Variants in CMTR2 observed in about 807,000 individuals in gnomAD.
CMTR2 encodes the protein cap-specific mRNA (nucleoside-2'-O-)-methyltransferase 2.
CMTR2 carries 40 observed loss-of-function variants against 49.8 expected under a neutral mutation model. That is an observed-to-expected ratio of 0.80 (90% CI 0.62 to 1.04). The LOEUF (loss-of-function observed/expected upper bound fraction) is 1.04. Among genes scored for constraint, CMTR2 ranks in the 50% least tolerant of loss-of-function variants. The pLI is 0.00. For synonymous variants in CMTR2, 326 were observed against 315.8 expected (o/e 1.03, Z -0.34); for missense variants, 907 against 897.2 (o/e 1.01, Z -0.14).
chr16:71,283,487 T>C lies in CMTR2; in HGVS notation c.*121A>G. On this transcript the variant is annotated 3_prime_UTR_variant, in exon 3 of 3. Coordinates refer to ENST00000434935, the MANE Select transcript of CMTR2 (RefSeq NM_018348.6). ...TGGTTTTCCAGAATTAATGAGACTT[T>C]GAATGATGCAAATGTTGGCCTTTCC... The C allele has an allele frequency of 8.4e-7, 1 of 1,185,758 alleles. No individual in the cohort carries two copies. The highest frequency in any genetic ancestry group is 1.5e-5 in the African/African-American group (1 of 64,582). The allele number at this position is 1,185,758 out of a possible 1,614,324, so 73.5% of individuals were successfully genotyped here.
Position 71,284,735 on chromosome 16 carries a change from A to G in CMTR2, c.1186T>C (p.Leu396=). ...GKAEQEKLNN[L]RDCAIQYFMQ... Reference sequence around the variant, plus strand: ...AAATATTGTATAGCACAATCCCTTAAATTATTCAGCTTTTCTTGTTCCGCC... The same window carrying G: ...AAATATTGTATAGCACAATCCCTTAGATTATTCAGCTTTTCTTGTTCCGCC... Residue 396 remains leucine, a synonymous_variant, in exon 3 of 3, where the codon TTA becomes CTA. Coordinates refer to ENST00000434935, the MANE Select transcript of CMTR2 (RefSeq NM_018348.6). 2.5e-6 allele frequency: 4 copies of G among 1,613,600 alleles called. No homozygotes were observed. Among genetic ancestry groups the G allele is most frequent in the Non-Finnish European group, 3.4e-6 (4 of 1,179,758 alleles).
intron 1 of CMTR2, 86 bp downstream of exon 1, chr16:71,289,050 G>C (rs2041784282): frequency 6.6e-6 from 1 of 152,362 alleles, no homozygotes; most frequent in African/African-American, 2.4e-5. Context: ...CCCGGTCCCT[G>C]ACCTGGAGGA....
rs2041685767 is a variant in CMTR2 at position 71,284,772 on chromosome 16, C to T, written c.1149G>A (p.Glu383=). ...ETISENIRLF[E]CMGKAEQEKL... ...TTTCTTGTTCCGCCTTTCCCATGCA[C>T]TCAAATAGACGAATGTTTTCAGAAA... Residue 383 remains glutamate (E), a synonymous_variant, in exon 3 of 3, where the codon GAG becomes GAA. Transcript: ENST00000434935. The T allele has an allele frequency of 6.2e-7, 1 of 1,613,768 alleles. No individual in the cohort carries two copies.
In CMTR2 at chr16:71,284,304, T is replaced by G. The variant is rs1331822497; in HGVS notation, c.1617A>C (p.Pro539=). 6.2e-7 allele frequency: 1 copy of G among 1,613,968 alleles called. No individual in the cohort carries two copies. The highest frequency in any genetic ancestry group is 1.1e-5 in the South Asian group (1 of 91,018). ...GACAAGAACAAGAATACTGCTGTTT[T>G]GGCCTAAACTTGGAATCCAAATTAA... ...GAFNLDSKFR[P]KQQYSCSCHV... Residue 539 remains proline, a synonymous_variant, in exon 3 of 3, where the codon CCA becomes CCC. Transcript: ENST00000434935.
chr16:71,283,742 T>C lies in CMTR2; in HGVS notation c.2179A>G (p.Met727Val), dbSNP rs148685244. 6 of 1,613,992 alleles carry C rather than the reference T, an allele frequency of 3.7e-6. No individual in the cohort carries two copies. The highest frequency in any genetic ancestry group is 1.7e-5 in the Admixed American group (1 of 59,984). The change falls in exon 3 of 3, where the codon ATG becomes GTG. Residue 727 changes from methionine (M) to valine (V), a missense_variant. Coordinates refer to ENST00000434935, the MANE Select transcript of CMTR2 (RefSeq NM_018348.6). ...SPQQVLQFVPMEVLLKGALLD... is the reference protein window; with the variant it reads ...SPQQVLQFVPVEVLLKGALLD... The stretch of plus-strand genomic sequence containing the variant: ...AGGGCCCCCTTAAGGAGTACCTCCA[T>C]TGGCACAAACTGTAAAACCTGCTGG...
Position 71,281,445 on chromosome 16 carries a change from GAA to G in CMTR2, c.*2161_*2162del, listed in dbSNP as rs1271697581. 5 of 151,850 alleles carry G rather than the reference GAA, an allele frequency of 3.3e-5. No individual in the cohort carries two copies. The highest frequency in any genetic ancestry group is 5.9e-5 in the Non-Finnish European group (4 of 67,798). 9.4% of individuals were successfully genotyped at this position (151,850 alleles called of 1,614,324 possible). The stretch of plus-strand genomic sequence containing the variant: ...CAAATTAAAAATCTCAAAACCTGTG[GAA>G]AAAAGTTTTTAAGAACAGTCTACCT... On this transcript the variant is annotated 3_prime_UTR_variant, in exon 3 of 3. Coordinates refer to ENST00000434935, the MANE Select transcript of CMTR2 (RefSeq NM_018348.6).
chr16:71,283,850 A>T lies in CMTR2; in HGVS notation c.2071T>A (p.Tyr691Asn), dbSNP rs1358015863. The change falls in exon 3 of 3, where the codon TAT (tyrosine) becomes AAT (asparagine). Residue 691 changes from tyrosine to asparagine, a missense_variant. Coordinates refer to ENST00000434935, the MANE Select transcript of CMTR2 (RefSeq NM_018348.6). Reference protein sequence around the residue: ...RTCAVLLCVGYQDLPNPVFRY... With the variant: ...RTCAVLLCVGNQDLPNPVFRY... Reference sequence around the variant, plus strand: ...AAAACTGGATTTGGAAGGTCCTGATAACCAACACATAGCAGGACTGCGCAG... The same window carrying T: ...AAAACTGGATTTGGAAGGTCCTGATTACCAACACATAGCAGGACTGCGCAG... The T allele has an allele frequency of 6.2e-7, 1 of 1,613,996 alleles. No homozygotes were observed. Among genetic ancestry groups the T allele is most frequent in the South Asian group, 1.1e-5 (1 of 91,060 alleles).
chr16:71,282,041 T>C lies in CMTR2; in HGVS notation c.*1567A>G. 1 of 151,770 alleles carries C rather than the reference T, an allele frequency of 6.6e-6. No individual in the cohort carries two copies. Among genetic ancestry groups the C allele is most frequent in the Non-Finnish European group, 1.5e-5 (1 of 67,836 alleles). The allele number at this position is 151,770 out of a possible 1,614,324, so 9.4% of individuals were successfully genotyped here. A position where few individuals can be genotyped will look rare whatever the true frequency, so the allele number is the denominator to read the frequency against. ...GGAATTGCTTCCATAGAGTCACCAGTAGGAAATCAGATTTCTTTCAAAAAT... is the reference window on the plus strand; with the variant it reads ...GGAATTGCTTCCATAGAGTCACCAGCAGGAAATCAGATTTCTTTCAAAAAT... On this transcript the variant is annotated 3_prime_UTR_variant, in exon 3 of 3. Coordinates refer to ENST00000434935, the MANE Select transcript of CMTR2 (RefSeq NM_018348.6).
At chr16:71,289,642 G>T (rs2041804043), upstream of CMTR2, 1 of 150,206 alleles carries the variant, frequency 6.7e-6, no homozygotes, top group Admixed American at 6.6e-5. Context: ...GGACAGGGAG[G>T]CGAAGGGGAG....
In CMTR2 at chr16:71,285,290, T is replaced by C; in HGVS notation, c.631A>G (p.Met211Val). ...AGTCCAGTCAAGAATTTCAGGGTCA[T>C]GATATCACCAGTGTTATCTGGACCA... ...YFGPDNTGDI[M>V]TLKFLTGLQN... Residue 211 changes from methionine to valine, a missense_variant, in exon 3 of 3, where the codon ATG (methionine) becomes GTG (valine). Met to Val is a conservative substitution (Grantham distance 21). Coordinates refer to ENST00000434935, the MANE Select transcript of CMTR2 (RefSeq NM_018348.6). 2 of 1,614,210 alleles carry C rather than the reference T, an allele frequency of 1.2e-6. No individual in the cohort carries two copies. The highest frequency in any genetic ancestry group is 1.7e-6 in the Non-Finnish European group (2 of 1,180,004).
Position 71,283,466 on chromosome 16 carries a change from T to C in CMTR2, c.*142A>G, listed in dbSNP as rs1351744380. ...TACCCTAGAGATCAGAATGGATGGT[T>C]TTCCAGAATTAATGAGACTTTGAAT... On this transcript the variant is annotated 3_prime_UTR_variant, in exon 3 of 3. Transcript: ENST00000434935. The C allele has an allele frequency of 3.0e-6, 3 of 1,016,634 alleles. No individual in the cohort carries two copies. In the African/African-American group the frequency reaches 4.9e-5, roughly 17 times the overall value. The allele number at this position is 1,016,634 out of a possible 1,614,324, so 63.0% of individuals were successfully genotyped here. A position where few individuals can be genotyped will look rare whatever the true frequency, so the allele number is the denominator to read the frequency against.
chr16:71,289,350 A>T lies in CMTR2; in HGVS notation c.-294T>A, dbSNP rs982317300. On this transcript the variant is annotated 5_prime_UTR_variant, in exon 1 of 3. Coordinates refer to ENST00000434935, the MANE Select transcript of CMTR2 (RefSeq NM_018348.6). Reference sequence around the variant, plus strand: ...CTCGCGGCACCGGGAAGCCAGTCCCACCTCCGGGCCCCGCAGCCGCGAATG... The same window carrying T: ...CTCGCGGCACCGGGAAGCCAGTCCCTCCTCCGGGCCCCGCAGCCGCGAATG... 3.3e-5 allele frequency: 5 copies of T among 152,188 alleles called. No homozygotes were observed. The highest frequency in any genetic ancestry group is 6.5e-5 in the Admixed American group (1 of 15,300). 9.4% of individuals were successfully genotyped at this position (152,188 alleles called of 1,614,324 possible). A position where few individuals can be genotyped will look rare whatever the true frequency, so the allele number is the denominator to read the frequency against.
rs2041642352 is a variant in CMTR2, at chr16:71,283,300, TTAAG to T, written c.*304_*307del. The T allele has an allele frequency of 1.4e-5, 4 of 279,338 alleles. No homozygotes were observed. The East Asian group carries it at 2.7e-4, about 19-fold the overall frequency. 17.3% of individuals were successfully genotyped at this position (279,338 alleles called of 1,614,324 possible). On this transcript the variant is annotated 3_prime_UTR_variant, in exon 3 of 3. Transcript: ENST00000434935. ...TACACAGATGCAAATCTTAAGCAGA[TTAAG>T]TAAGACCAACTAAATGGCATAGGTA...
Position 71,284,186 on chromosome 16 carries a change from T to TAA in CMTR2, c.1734_1735insTT (p.Lys579LeufsTer25), listed in dbSNP as rs777823715. 62 of 1,613,848 alleles carry TAA rather than the reference T, an allele frequency of 3.8e-5. No homozygotes were observed. The highest frequency in any genetic ancestry group is 4.6e-5 in the Non-Finnish European group (54 of 1,179,936). Reference sequence around the variant, plus strand: ...GTCGAAAAGCCCACCAGCAGGCACTTTATTTGATTGCTGGGTACTACAACC... The same window carrying TAA: ...GTCGAAAAGCCCACCAGCAGGCACTTAATATTTGATTGCTGGGTACTACAACC... On this transcript the variant is annotated frameshift_variant, in exon 3 of 3. Coordinates refer to ENST00000434935, the MANE Select transcript of CMTR2 (RefSeq NM_018348.6). LOFTEE classifies it high-confidence loss of function.
rs1195517104 is a variant in CMTR2 at position 71,282,747 on chromosome 16, T to G, written c.*861A>C. 6.6e-6 allele frequency: 1 copy of G among 152,372 alleles called. No homozygotes were observed. The highest frequency in any genetic ancestry group is 1.5e-5 in the Non-Finnish European group (1 of 68,006). The allele number at this position is 152,372 out of a possible 1,614,324, so 9.4% of individuals were successfully genotyped here. ...GTATTCACTATGTTCATCACATTCA[T>G]GTGTTCCCAACATGAGACTAAACAC... On this transcript the variant is annotated 3_prime_UTR_variant, in exon 3 of 3. Coordinates refer to ENST00000434935, the MANE Select transcript of CMTR2 (RefSeq NM_018348.6).
At chr16:71,288,049 T>C (rs1159833203) in intron 2 of CMTR2, 1 of 152,238 alleles carries the variant, frequency 6.6e-6, no homozygotes, top group East Asian at 1.9e-4. Flanking sequence ...ACTTAAGTGA[T>C]TCAGACACTC....
rs1349712050 is a variant in CMTR2, at chr16:71,282,450, TATAA to T, written c.*1154_*1157del. The T allele has an allele frequency of 1.3e-5, 2 of 152,098 alleles. No homozygotes were observed. Among genetic ancestry groups the T allele is most frequent in the African/African-American group, 4.8e-5 (2 of 41,446 alleles). The allele number at this position is 152,098 out of a possible 1,614,324, so 9.4% of individuals were successfully genotyped here. ...AAAGTGCCTAAAATGCATGTGAGAA[TATAA>T]ATATTCTCCACTTTGTGGAACTTCA... On this transcript the variant is annotated 3_prime_UTR_variant, in exon 3 of 3. Coordinates refer to ENST00000434935, the MANE Select transcript of CMTR2 (RefSeq NM_018348.6).
chr16:71,284,350 T>C lies in CMTR2; in HGVS notation c.1571A>G (p.Glu524Gly), dbSNP rs752854395. 8 of 1,613,420 alleles carry C rather than the reference T, an allele frequency of 5.0e-6. No individual in the cohort carries two copies. Among genetic ancestry groups the C allele is most frequent in the Non-Finnish European group, 6.8e-6 (8 of 1,179,860 alleles). The change falls in exon 3 of 3, where the codon GAA (glutamate) becomes GGA (glycine). Residue 524 changes from glutamate to glycine, a missense_variant. By Grantham distance (98) the Glu-to-Gly change is moderately conservative. Transcript: ENST00000434935. ...EILKTLNEAI[E>G]KSLGGAFNLD... is the part of the protein sequence containing the mutation. ...ATTAAAAGCTCCTCCTAATGACTTT[T>C]CAATTGCTTCATTAAGAGTTTTTAA...
rs149227505 is a variant in CMTR2, at chr16:71,285,408, C to A, written c.513G>T (p.Ala171=). The A allele has an allele frequency of 6.2e-7, 1 of 1,614,106 alleles. No individual in the cohort carries two copies. The highest frequency in any genetic ancestry group is 1.1e-5 in the South Asian group (1 of 91,070). Residue 171 remains alanine (A), a synonymous_variant, in exon 3 of 3, where the codon GCG becomes GCT. Transcript: ENST00000434935. ...CTTCATGGTATGGATTCAGAGTATTCGCTACCCAACTCCAATGACAAGGAA... is the reference window on the plus strand; with the variant it reads ...CTTCATGGTATGGATTCAGAGTATTAGCTACCCAACTCCAATGACAAGGAA... ...HRFPCHWSWV[A]NTLNPYHEAN... is the part of the protein sequence containing the mutation.
Sources: allele counts gnomAD v4.1 joint callset, GRCh38; gene constraint gnomAD v4.1.1; transcripts MANE v1.5; gene names NCBI Gene and HGNC (gene_info 2026-07-23, HGNC 2026-07-21).